The following SCRN2 variants were observed in gnomAD, a reference collection of about 807,000 sequenced individuals.
SCRN2 encodes secernin 2.
In SCRN2, 30 loss-of-function variants were observed where a neutral mutation model predicts 40.1. That is an observed-to-expected ratio of 0.75 (90% CI 0.56 to 1.01). SCRN2 has a LOEUF of 1.01. SCRN2 is among the 50% of genes least tolerant of loss of function. The probability of loss-of-function intolerance (pLI) is 0.00; values close to 1 mark genes in which losing one functional copy is unlikely to be tolerated. For synonymous variants in SCRN2, 240 were observed against 233.5 expected, an observed-to-expected ratio of 1.03 and a Z score of -0.25; for missense variants, 526 against 564.9, an observed-to-expected ratio of 0.93 and a Z score of 0.70.
rs1301034009 is a variant in SCRN2 at position 47,839,544 on chromosome 17, A to G, written c.456T>C (p.Ala152=). The change falls in exon 4 of 8, where the codon GCT becomes GCC. Residue 152 remains alanine, a synonymous_variant. Coordinates refer to ENST00000290216, the MANE Select transcript of SCRN2 (RefSeq NM_138355.4). The stretch of plus-strand genomic sequence containing the variant: ...AGGTGCTATGGTAGGAGAATGGCGC[A>G]GCATCCTCCAGGCAGTTGCCCCCCT... ...YGQGGNCLED[A]APFSYHSTFL... The G allele has an allele frequency of 9.3e-6, 15 of 1,613,856 alleles. No individual in the cohort carries two copies. Among genetic ancestry groups the G allele is most frequent in the Admixed American group, 1.7e-5 (1 of 60,016 alleles).
In SCRN2 at chr17:47,838,993, G is replaced by A. The variant is rs1351382082; in HGVS notation, c.570C>T (p.Asn190=). ...AAQRIQEGAR[N]ISNQLSIGTD... ...TGCCAATGCTCAGCTGGTTGGAGATGTTGCGGGCCCCCTCTGTGGAGGAGA... is the reference window on the plus strand; with the variant it reads ...TGCCAATGCTCAGCTGGTTGGAGATATTGCGGGCCCCCTCTGTGGAGGAGA... The change falls in exon 5 of 8, where the codon AAC becomes AAT. Residue 190 remains asparagine (N), a synonymous_variant. Coordinates refer to ENST00000290216, the MANE Select transcript of SCRN2 (RefSeq NM_138355.4). 4 of 1,613,964 alleles carry A rather than the reference G, an allele frequency of 2.5e-6. No homozygotes were observed. The South Asian group carries it at 4.4e-5, about 18-fold the overall frequency.
In SCRN2 at chr17:47,838,946, G is replaced by A. The variant is rs138323768; in HGVS notation, c.617C>T (p.Pro206Leu). ...SIGTDISAQHPELRTHAQAKG... is the reference protein window; with the variant it reads ...SIGTDISAQHLELRTHAQAKG... Reference sequence around the variant, plus strand: ...GGCCTGGGCATGAGTCCGCAGCTCCGGGTGTTGGGCCGAGATGTCCGTGCC... The same window carrying A: ...GGCCTGGGCATGAGTCCGCAGCTCCAGGTGTTGGGCCGAGATGTCCGTGCC... The change falls in exon 5 of 8, where the codon CCG becomes CTG. Residue 206 changes from proline (P) to leucine (L), a missense_variant. Transcript: ENST00000290216. The A allele has an allele frequency of 1.2e-5, 20 of 1,613,938 alleles. No individual in the cohort carries two copies. The highest frequency in any genetic ancestry group is 4.4e-5 in the South Asian group (4 of 91,094).
chr17:47,840,538 G>C (rs554069040), intron 2 of SCRN2, 132 bp downstream of exon 2: 2 of 1,258,964 alleles, frequency 1.6e-6, no homozygotes, highest in African/African-American at 3.0e-5. Flanking sequence ...CTCAGGTCCA[G>C]GTTGGTAGAC....
rs141690344 is a variant in SCRN2 at position 47,840,344 on chromosome 17, G to A, written c.203C>T (p.Ser68Leu). Residue 68 changes from serine (S) to leucine (L), a missense_variant, in exon 3 of 8, where the codon TCG becomes TTG. By Grantham distance (145) the Ser-to-Leu change is moderately radical (BLOSUM62 -2). Transcript: ENST00000290216. ...GCTCAGAATCACAGCGTGCGTCTTCGACACCTGTTCCACTTCAATGTAGGT... is the reference window on the plus strand; with the variant it reads ...GCTCAGAATCACAGCGTGCGTCTTCAACACCTGTTCCACTTCAATGTAGGT... ...QCTYIEVEQVSKTHAVILSRP... is the reference protein window; with the variant it reads ...QCTYIEVEQVLKTHAVILSRP... 1.2e-6 allele frequency: 2 copies of A among 1,614,122 alleles called. No homozygotes were observed. Among genetic ancestry groups the A allele is most frequent in the Non-Finnish European group, 1.7e-6 (2 of 1,180,016 alleles).
chr17:47,841,004 C>T, intron 1 of SCRN2, 161 bp from the exon 2 acceptor site: 1 of 592,736 alleles, frequency 1.7e-6, no homozygotes, highest in Admixed American at 4.1e-5. Flanking sequence ...AGGTGCCCAC[C>T]CTCTCCCCAG....
Position 47,838,852 on chromosome 17 carries a change from C to A in SCRN2, c.711G>T (p.Val237=). The part of the protein sequence containing the change: ...AQIFSLTQQP[V]RMEAAKARFQ... ...AGCGGGCCTTGGCAGCCTCCATGCG[C>A]ACAGGCTGCTGGGTCAGGGAGAAGA... The change falls in exon 5 of 8, where the codon GTG becomes GTT. Residue 237 remains valine, a synonymous_variant. Coordinates refer to ENST00000290216, the MANE Select transcript of SCRN2 (RefSeq NM_138355.4). 1 of 1,613,678 alleles carries A rather than the reference C, an allele frequency of 6.2e-7. No individual in the cohort carries two copies. Among genetic ancestry groups the A allele is most frequent in the Non-Finnish European group, 8.5e-7 (1 of 1,180,038 alleles).
chr17:47,838,677 C>T lies in SCRN2; in HGVS notation c.792G>A (p.Val264=). 6.2e-7 allele frequency: 1 copy of T among 1,614,002 alleles called. No homozygotes were observed. The highest frequency in any genetic ancestry group is 8.5e-7 in the Non-Finnish European group (1 of 1,179,980). Residue 264 remains valine (V), a synonymous_variant, in exon 6 of 8, where the codon GTG becomes GTA. Transcript: ENST00000290216. The part of the protein sequence containing the change: ...RQRQGGITAE[V]MMGILRDKES... ...CCTTGTCTCTGAGGATGCCCATCAT[C>T]ACCTCTGCCGTGATGCCCCCTGCCA...
At position 47,838,572 on chromosome 17, in the gene SCRN2, C is replaced by G. The variant is rs564586578; in HGVS notation, c.897G>C (p.Gln299His). 3.2e-5 allele frequency: 52 copies of G among 1,614,082 alleles called. No homozygotes were observed. In the South Asian group the frequency reaches 5.2e-4, roughly 16 times the overall value. Reference protein sequence around the residue: ...MVSVLPQDPTQPCVHFLTATP... With the variant: ...MVSVLPQDPTHPCVHFLTATP... The stretch of plus-strand genomic sequence containing the variant: ...TGGCGGTAAGAAAGTGCACGCAGGG[C>G]TGCGTGGGATCCTGGGGCAGGACAG... The change falls in exon 6 of 8, where the codon CAG (glutamine) becomes CAC (histidine). Residue 299 changes from glutamine (Q) to histidine (H), a missense_variant. Coordinates refer to ENST00000290216, the MANE Select transcript of SCRN2 (RefSeq NM_138355.4).
chr17:47,839,146 A>G (rs964596660), intron 4 of SCRN2, 140 bp from the exon 5 acceptor site: 58 of 850,546 alleles, frequency 6.8e-5, no homozygotes, highest in Non-Finnish European at 9.5e-5. Context: ...GGAGGCAGAC[A>G]AAATAATCAC....
At position 47,839,612 on chromosome 17, in the gene SCRN2, C is replaced by T. The variant is rs2033780857; in HGVS notation, c.388G>A (p.Glu130Lys). The change falls in exon 4 of 8, where the codon GAG becomes AAG. Residue 130 changes from glutamate to lysine, a missense_variant. Physicochemically the swap from Glu to Lys is moderately conservative, Grantham distance 56 (BLOSUM62 1). Transcript: ENST00000290216. Reference sequence around the variant, plus strand: ...AACCCTGTGATCACATGCAAGGCCTCCTGGGCAGAGCTGCTCCGTTCCAAA... The same window carrying T: ...AACCCTGTGATCACATGCAAGGCCTTCTGGGCAGAGCTGCTCCGTTCCAAA... ...LALERSSSAQ[E>K]ALHVITGLLE... 3.7e-6 allele frequency: 6 copies of T among 1,614,100 alleles called. No individual in the cohort carries two copies. Among genetic ancestry groups the T allele is most frequent in the African/African-American group, 1.3e-5 (1 of 75,070 alleles).
Position 47,838,263 on chromosome 17 carries a change from G to C in SCRN2, c.1119+7C>G. 1 of 1,585,886 alleles carries C rather than the reference G, an allele frequency of 6.3e-7. No individual in the cohort carries two copies. Among genetic ancestry groups the C allele is most frequent in the East Asian group, 2.2e-5 (1 of 44,626 alleles). ...CCTCAAGGTAGCCCCTACTCCCTGG[G>C]GGATACCTGATCTCTCTCCATCAGC... On this transcript the variant is annotated splice_region_variant and intron_variant, in intron 7 of 7. Transcript: ENST00000290216.
chr17:47,840,924 G>T (rs1455665208), intron 1 of SCRN2, 81 bp from the exon 2 acceptor site: 1 of 1,294,154 alleles, frequency 7.7e-7, no homozygotes, highest in East Asian at 2.8e-5. Flanking sequence ...TGTAAAAGAC[G>T]CGCAAGGAAG....
At chr17:47,840,884 C>T (rs763187050) in intron 1 of SCRN2, 41 bp from the exon 2 acceptor site, 11 of 1,454,712 alleles carry the variant, frequency 7.6e-6, no homozygotes, top group Non-Finnish European at 1.0e-5. Flanking sequence ...GGCCACGGCT[C>T]AGCCCCGAGG....
At position 47,838,266 on chromosome 17, in the gene SCRN2, A is replaced by G; in HGVS notation, c.1119+4T>C. Reference sequence around the variant, plus strand: ...CAAGGTAGCCCCTACTCCCTGGGGGATACCTGATCTCTCTCCATCAGCCCC... The same window carrying G: ...CAAGGTAGCCCCTACTCCCTGGGGGGTACCTGATCTCTCTCCATCAGCCCC... On this transcript the variant is annotated splice_donor_region_variant and intron_variant, in intron 7 of 7. Transcript: ENST00000290216. 2 of 1,585,550 alleles carry G rather than the reference A, an allele frequency of 1.3e-6. No homozygotes were observed. Among genetic ancestry groups the G allele is most frequent in the Non-Finnish European group, 1.7e-6 (2 of 1,169,856 alleles).
In SCRN2 at chr17:47,838,770, C is replaced by G. The variant is rs777892920; in HGVS notation, c.772+21G>C. 6.2e-6 allele frequency: 10 copies of G among 1,611,300 alleles called. No individual in the cohort carries two copies. In the South Asian group the frequency reaches 1.1e-4, roughly 18 times the overall value. On this transcript the variant is annotated intron_variant, in intron 5 of 7. Transcript: ENST00000290216. ...CTGCTGTGGCCCTCCTGGCCCCCAG[C>G]CCCCTCCACCGTTCACTAACCTTGC...
In SCRN2 at chr17:47,838,342, C is replaced by T; in HGVS notation, c.1047G>A (p.Gln349=). The part of the protein sequence containing the change: ...QDPVRTLPRF[Q]TQVDRRHTLY... ...GGGTATGCCGACGATCTACCTGAGT[C>T]TGGAATCGGGGCAGGGTCCGAACAG... Residue 349 remains glutamine, a synonymous_variant, in exon 7 of 8, where the codon CAG becomes CAA. Coordinates refer to ENST00000290216, the MANE Select transcript of SCRN2 (RefSeq NM_138355.4). The T allele has an allele frequency of 6.2e-7, 1 of 1,607,338 alleles. No homozygotes were observed. Among genetic ancestry groups the T allele is most frequent in the Non-Finnish European group, 8.5e-7 (1 of 1,176,752 alleles).
chr17:47,839,966 A>T, intron 3 of SCRN2: 1 of 591,628 alleles, frequency 1.7e-6, no homozygotes, highest in Non-Finnish European at 3.0e-6. Flanking sequence ...TCTATGTAAG[A>T]TTTCAACTGA....
Position 47,837,889 on chromosome 17 carries a change from G to C in SCRN2, c.1233C>G (p.Ser411Arg). 6.2e-7 allele frequency: 1 copy of C among 1,603,606 alleles called. No individual in the cohort carries two copies. The highest frequency in any genetic ancestry group is 1.7e-5 in the Admixed American group (1 of 59,730). ...CCCTCTTCACGAAGGCCTGGAAGAGGCTGCCCAGCTCCCAGAGGGGTGGGG... is the reference window on the plus strand; with the variant it reads ...CCCTCTTCACGAAGGCCTGGAAGAGCCTGCCCAGCTCCCAGAGGGGTGGGG... ...EWAPPLWELG[S>R]LFQAFVKRES... Residue 411 changes from serine to arginine, a missense_variant, in exon 8 of 8, where the codon AGC (serine) becomes AGG (arginine). Physicochemically the swap from Ser to Arg is moderately radical, Grantham distance 110. Transcript: ENST00000290216.
At position 47,840,708 on chromosome 17, in the gene SCRN2, C is replaced by A; in HGVS notation, c.136G>T (p.Val46Phe). The A allele has an allele frequency of 6.2e-7, 1 of 1,605,338 alleles. No homozygotes were observed. The highest frequency in any genetic ancestry group is 8.5e-7 in the Non-Finnish European group (1 of 1,175,794). Residue 46 changes from valine (V) to phenylalanine (F), a missense_variant, in exon 2 of 8, where the codon GTC (valine) becomes TTC (phenylalanine). Physicochemically the swap from Val to Phe is conservative, Grantham distance 50. Transcript: ENST00000290216. ...PRDEVQEVVF[V>F]PAGTHTPGSR... ...CCAGGAGTGTGAGTGCCTGCGGGGA[C>A]AAACACCACCTCCTGCACCTCGTCC...
Sources: gnomAD v4.1 joint callset for allele counts on GRCh38, gnomAD v4.1.1 for gene constraint, MANE v1.5 for transcripts, NCBI Gene and HGNC (gene_info 2026-07-23, HGNC 2026-07-21) for gene names.